The following NXPE2 variants were observed in gnomAD, a reference collection of about 807,000 sequenced individuals.
NXPE2 encodes the protein NXPE family member 2.
A neutral mutation model predicts 34.4 loss-of-function variants in NXPE2; 34 were observed. The observed-to-expected ratio is 0.99, with a 90% CI of 0.75 to 1.31. The LOEUF is 1.31. Among genes scored for constraint, NXPE2 ranks in the 40% most tolerant of loss-of-function variants. The pLI is 0.00. For missense variants in NXPE2, 649 were observed against 672.5 expected (o/e 0.97, Z 0.39); for synonymous variants, 235 against 231.3 (o/e 1.02, Z -0.15).
the NXPE2 span, among the ~76,000 whole-genome samples, chr11:114,746,168 T>G: frequency 6.6e-6 from 1 of 152,268 alleles, no homozygotes; most frequent in Non-Finnish European, 1.5e-5. Context: ...GGTGAACTTC[T>G]GGTACAAACT....
At chr11:114,763,479 A>G in the NXPE2 span, among the ~76,000 whole-genome samples, 3 of 152,208 alleles carry the variant, frequency 2.0e-5, no homozygotes, top group Non-Finnish European at 4.4e-5. Flanking sequence ...AGCTATTTTG[A>G]AATACTGAGA....
chr11:114,728,891 C>A, the NXPE2 span, among the ~76,000 whole-genome samples: 41 of 152,118 alleles, frequency 2.7e-4, no homozygotes, highest in East Asian at 1.7e-3. Flanking sequence ...ATATGCCCAA[C>A]TAATTTATTT....
the NXPE2 span, among the ~76,000 whole-genome samples, chr11:114,595,087 CT>C: frequency 4.6e-5 from 7 of 152,112 alleles, no homozygotes; most frequent in Non-Finnish European, 1.0e-4. Flanking sequence ...TATTTGTCAC[CT>C]ATCAGGTTCC....
intron 2 of NXPE2, among the ~76,000 whole-genome samples, chr11:114,688,715 A>G (rs946490690): frequency 1.3e-5 from 2 of 151,884 alleles, no homozygotes; most frequent in African/African-American, 4.8e-5. Flanking sequence ...CATGTAATCC[A>G]GGGCTTTTTC....
the NXPE2 span, among the ~76,000 whole-genome samples, chr11:114,492,383 T>C: frequency 6.6e-6 from 1 of 152,264 alleles, no homozygotes; most frequent in East Asian, 1.9e-4. Context: ...TAAAAAAGTC[T>C]TTAAAGGCTT....
chr11:114,802,130 G>T, the NXPE2 span, among the ~76,000 whole-genome samples: 1 of 152,150 alleles, frequency 6.6e-6, no homozygotes, highest in Non-Finnish European at 1.5e-5. Flanking sequence ...GGACGATCCT[G>T]GAATAAAAGG....
At chr11:114,530,582 C>T in the NXPE2 span, 33 of 1,614,164 alleles carry the variant, frequency 2.0e-5, no homozygotes, top group Non-Finnish European at 2.7e-5. Context: ...GGGAGGACAT[C>T]CTGGCCCTCA....
the NXPE2 span, chr11:114,583,740 T>G: frequency 1.9e-6 from 1 of 514,236 alleles, no homozygotes; most frequent in Admixed American, 2.2e-5. Context: ...ACCTTGGAAC[T>G]GCTAAAGTAT....
At chr11:114,653,286 C>T in the NXPE2 span, among the ~76,000 whole-genome samples, 3 of 152,112 alleles carry the variant, frequency 2.0e-5, no homozygotes, top group African/African-American at 7.2e-5. Flanking sequence ...AAGGGCTGAG[C>T]CCCAGACAAT....
At chr11:114,553,976 A>T in the NXPE2 span, 2 of 985,230 alleles carry the variant, frequency 2.0e-6, no homozygotes, top group Non-Finnish European at 2.4e-6. Context: ...GCTCATAGGA[A>T]TCTCAAAGTC....
chr11:114,703,771 G>A (rs138284369), intron 3 of NXPE2, among the ~76,000 whole-genome samples: 224 of 152,286 alleles, frequency 1.5e-3, no homozygotes, highest in African/African-American at 5.2e-3. Context: ...ATTGCGTATG[G>A]AGGGTGAATG....
the NXPE2 span, among the ~76,000 whole-genome samples, chr11:114,586,839 T>G: frequency 7.2e-5 from 11 of 152,148 alleles, no homozygotes; most frequent in African/African-American, 2.7e-4. Flanking sequence ...CTTTAAAAAT[T>G]TTTACAGTTC....
At chr11:114,725,527 T>A in the NXPE2 span, among the ~76,000 whole-genome samples, 1 of 151,948 alleles carries the variant, frequency 6.6e-6, no homozygotes, top group Non-Finnish European at 1.5e-5. Context: ...TGTTTTTTTT[T>A]AACTAGACAA....
At chr11:114,610,287 A>G in the NXPE2 span, among the ~76,000 whole-genome samples, 12 of 150,766 alleles carry the variant, frequency 8.0e-5, 1 homozygote, top group Admixed American at 2.7e-4. Flanking sequence ...CCGGTGGATA[A>G]TAAGTGTTGC....
At chr11:114,729,316 C>T in the NXPE2 span, among the ~76,000 whole-genome samples, 1 of 151,938 alleles carries the variant, frequency 6.6e-6, no homozygotes, top group Admixed American at 6.6e-5. Flanking sequence ...TCCAATCTCT[C>T]ATTGATAGGT....
chr11:114,755,848 A>G, the NXPE2 span, among the ~76,000 whole-genome samples: 1 of 151,956 alleles, frequency 6.6e-6, no homozygotes, highest in African/African-American at 2.4e-5. Context: ...TCAAATCCCA[A>G]CCTTAGTTGA....
At chr11:114,502,932 T>A in the NXPE2 span, among the ~76,000 whole-genome samples, 1 of 152,128 alleles carries the variant, frequency 6.6e-6, no homozygotes. Context: ...CCACTGGGAG[T>A]GGCTAGGAGT....
At chr11:114,736,669 G>T in the NXPE2 span, among the ~76,000 whole-genome samples, 51 of 148,534 alleles carry the variant, frequency 3.4e-4, no homozygotes, top group South Asian at 1.1e-3. Flanking sequence ...AAGATGACAG[G>T]ATTAAGAGAC....
chr11:114,559,463 G>C, the NXPE2 span, among the ~76,000 whole-genome samples: 4 of 152,190 alleles, frequency 2.6e-5, no homozygotes, highest in Admixed American at 2.6e-4. Flanking sequence ...CCAACTAGAT[G>C]TTAGGTTGAG....
Sources: allele counts gnomAD v4.1 joint callset (sites outside exome capture counted in the v4.1 genomes callset), GRCh38; gene constraint gnomAD v4.1.1; transcripts MANE v1.5; gene names NCBI Gene and HGNC (gene_info 2026-07-23, HGNC 2026-07-21).